The following SLC35F5 variants were observed in gnomAD, a reference collection of about 807,000 sequenced individuals.
The protein encoded by SLC35F5 is HCV NS5A-transactivated protein 3.
SLC35F5 carries 54 observed loss-of-function variants against 68.6 expected under a neutral mutation model. The observed-to-expected ratio is 0.79, with a 90% CI of 0.63 to 0.99. SLC35F5 has a LOEUF of 0.99. Among genes scored for constraint, SLC35F5 ranks in the 50% least tolerant of loss-of-function variants. SLC35F5 has a pLI of 0.00. For synonymous variants in SLC35F5, 211 were observed against 205.2 expected, an observed-to-expected ratio of 1.03 and a Z score of -0.24; for missense variants, 567 against 626.9, an observed-to-expected ratio of 0.90 and a Z score of 1.02.
In SLC35F5 at chr2:113,743,803, T is replaced by G; in HGVS notation, c.481-9A>C. The G allele has an allele frequency of 1.3e-6, 2 of 1,582,234 alleles. No homozygotes were observed. Among genetic ancestry groups the G allele is most frequent in the Non-Finnish European group, 1.7e-6 (2 of 1,163,376 alleles). ...ACATACAGAGGTTCACTCTGGAATGTAACAGAAAAAAATATAAACAACAAA... is the reference window on the plus strand; with the variant it reads ...ACATACAGAGGTTCACTCTGGAATGGAACAGAAAAAAATATAAACAACAAA... On this transcript the variant is annotated splice_polypyrimidine_tract_variant and intron_variant, in intron 5 of 15. Transcript: ENST00000245680.
At chr2:113,740,469 A>G (rs1180352050) in intron 7 of SLC35F5, among the ~76,000 whole-genome samples, 2 of 152,254 alleles carry the variant, frequency 1.3e-5, no homozygotes, top group Non-Finnish European at 2.9e-5. Context: ...TAGCAGATTT[A>G]AAGGTATGTG....
In SLC35F5 at chr2:113,725,461, G is replaced by A. The variant is rs971090037; in HGVS notation, c.1167C>T (p.Phe389=). 4.3e-6 allele frequency: 7 copies of A among 1,611,056 alleles called. No individual in the cohort carries two copies. Among genetic ancestry groups the A allele is most frequent in the South Asian group, 1.1e-5 (1 of 90,282 alleles). Reference sequence around the variant, plus strand: ...TTAATACTACTTTATTGGGAAACTCGAAGTCCTCAAATCCAGTATAATGAA... The same window carrying A: ...TTAATACTACTTTATTGGGAAACTCAAAGTCCTCAAATCCAGTATAATGAA... ...FLLHYTGFED[F]EFPNKVVLMC... The change falls in exon 12 of 16, where the codon TTC becomes TTT. Residue 389 remains phenylalanine (F), a synonymous_variant. Transcript: ENST00000245680.
chr2:113,728,008 A>T (rs1319285304), intron 11 of SLC35F5, among the ~76,000 whole-genome samples: 1 of 152,110 alleles, frequency 6.6e-6, no homozygotes, highest in Non-Finnish European at 1.5e-5. Flanking sequence ...TTTCTTTTTT[A>T]AGAGACAGCA....
intron 4 of SLC35F5, among the ~76,000 whole-genome samples, chr2:113,750,117 T>C (rs1253990406): frequency 6.6e-6 from 1 of 152,218 alleles, no homozygotes; most frequent in Non-Finnish European, 1.5e-5. Context: ...AATGACAGAC[T>C]CTTGATATTC....
downstream of SLC35F5, chr2:113,703,664 C>T (rs1192899784): frequency 6.6e-6 from 1 of 152,170 alleles, no homozygotes; most frequent in Admixed American, 6.5e-5. Context: ...TTAGATGTTT[C>T]TCCTCAATAC....
At chr2:113,731,936 G>A (rs967078771) in intron 9 of SLC35F5, among the ~76,000 whole-genome samples, 2 of 152,054 alleles carry the variant, frequency 1.3e-5, no homozygotes, top group African/African-American at 4.8e-5. Context: ...AAAGAGGTAA[G>A]GTAACTTGAC....
downstream of SLC35F5, among the ~76,000 whole-genome samples, chr2:113,703,493 C>G (rs1332788946): frequency 6.6e-6 from 1 of 152,064 alleles, no homozygotes; most frequent in Admixed American, 6.6e-5. Flanking sequence ...ACAAACCTCA[C>G]AGCAAATAGA....
At chr2:113,729,554 T>C (rs1315540348) in intron 10 of SLC35F5, 49 bp from the exon 11 acceptor site, 2 of 970,058 alleles carry the variant, frequency 2.1e-6, no homozygotes, top group Non-Finnish European at 1.6e-6. Context: ...GCTCATTCAA[T>C]ATACGCTTAA....
At chr2:113,729,303 G>T (rs1484987641) in intron 11 of SLC35F5, 98 bp downstream of exon 11, 1 of 582,264 alleles carries the variant, frequency 1.7e-6, no homozygotes, top group Admixed American at 3.7e-5. Flanking sequence ...TCATACGGAA[G>T]AAAAAAAAAG....
rs188334044 is a variant in SLC35F5 at position 113,714,013 on chromosome 2, A to G, written c.*1205T>C. On this transcript the variant is annotated 3_prime_UTR_variant, in exon 16 of 16. Transcript: ENST00000245680. ...CACAGCAAACTTGAAAAGAATATTG[A>G]TTAATCAAAAGCCTGTGAATCCTGG... 6 of 152,282 alleles carry G rather than the reference A, an allele frequency of 3.9e-5. No individual in the cohort carries two copies. The highest frequency in any genetic ancestry group is 1.4e-4 in the African/African-American group (6 of 41,578). The allele number at this position is 152,282 out of a possible 1,614,324, so 9.4% of individuals were successfully genotyped here.
chr2:113,748,106 A>G (rs1412875846), intron 4 of SLC35F5, among the ~76,000 whole-genome samples: 2 of 152,190 alleles, frequency 1.3e-5, no homozygotes, highest in Non-Finnish European at 2.9e-5. Flanking sequence ...ACAGCAACAA[A>G]AAATGAATGA....
At chr2:113,742,434 CTGTG>C (rs1224123549) in intron 7 of SLC35F5, 3 of 499,768 alleles carry the variant, frequency 6.0e-6, no homozygotes, top group Non-Finnish European at 1.1e-5. Context: ...ACTTCCCAAC[CTGTG>C]TGTGTTTGTA....
Position 113,713,591 on chromosome 2 carries a change from T to C in SLC35F5, c.*1627A>G, listed in dbSNP as rs1180075230. On this transcript the variant is annotated 3_prime_UTR_variant, in exon 16 of 16. Coordinates refer to ENST00000245680, the MANE Select transcript of SLC35F5 (RefSeq NM_025181.5). ...AAATGTTACTTCATTATGTTCTTTT[T>C]AAAAGAAAATTCCTCAGAAGTCCAC... 1 of 152,132 alleles carries C rather than the reference T, an allele frequency of 6.6e-6. No individual in the cohort carries two copies. Among genetic ancestry groups the C allele is most frequent in the African/African-American group, 2.4e-5 (1 of 41,430 alleles). 9.4% of individuals were successfully genotyped at this position (152,132 alleles called of 1,614,324 possible).
chr2:113,754,929 T>TA (rs1159474352), intron 3 of SLC35F5, among the ~76,000 whole-genome samples: 1 of 142,414 alleles, frequency 7.0e-6, no homozygotes, highest in Non-Finnish European at 1.6e-5. Context: ...AAAATATGCA[T>TA]AGTCTCTCTA....
In SLC35F5 at chr2:113,729,387, A is replaced by T; in HGVS notation, c.1090+14T>A. 7.6e-7 allele frequency: 1 copy of T among 1,315,748 alleles called. No homozygotes were observed. The highest frequency in any genetic ancestry group is 1.1e-6 in the Non-Finnish European group (1 of 936,326). 81.5% of individuals were successfully genotyped at this position (1,315,748 alleles called of 1,614,324 possible). On this transcript the variant is annotated intron_variant, in intron 11 of 15. Coordinates refer to ENST00000245680, the MANE Select transcript of SLC35F5 (RefSeq NM_025181.5). ...TTTAGAGTAAATAGCCTCCCAAGTT[A>T]CATATATTCTTACCAAAGAACATTG...
intron 4 of SLC35F5, among the ~76,000 whole-genome samples, chr2:113,747,148 C>G (rs1676525050): frequency 4.0e-5 from 6 of 151,700 alleles, no homozygotes; most frequent in Admixed American, 3.9e-4. Flanking sequence ...ATTAGCTAGG[C>G]ACAGTGGCGC....
At chr2:113,737,660 T>C (rs1688143334) in intron 7 of SLC35F5, among the ~76,000 whole-genome samples, 1 of 152,168 alleles carries the variant, frequency 6.6e-6, no homozygotes, top group Non-Finnish European at 1.5e-5. Flanking sequence ...GCAAGGTAAA[T>C]AAATAAAAAC....
downstream of SLC35F5, among the ~76,000 whole-genome samples, chr2:113,702,818 T>C (rs1167028486): frequency 6.6e-6 from 1 of 151,860 alleles, no homozygotes; most frequent in Non-Finnish European, 1.5e-5. Context: ...TCCTACTGAG[T>C]AAAATATGGG....
intron 11 of SLC35F5, among the ~76,000 whole-genome samples, chr2:113,726,989 G>A (rs1455026807): frequency 6.6e-6 from 1 of 152,076 alleles, no homozygotes; most frequent in Non-Finnish European, 1.5e-5. Flanking sequence ...TTGGCTCTGT[G>A]TCCCCACCCA....
Sources: allele counts gnomAD v4.1 joint callset (sites outside exome capture counted in the v4.1 genomes callset), GRCh38; gene constraint gnomAD v4.1.1; transcripts MANE v1.5; gene names NCBI Gene and HGNC (gene_info 2026-07-23, HGNC 2026-07-21).